Variants in ARMC3 observed in about 807,000 individuals in gnomAD.
ARMC3 encodes the protein armadillo repeat containing 3, also known as armadillo repeat-containing protein 3.
Under a neutral mutation model 90.3 loss-of-function variants are expected in ARMC3, and 74 were observed. That is an observed-to-expected ratio of 0.82 (90% confidence interval 0.68 to 0.99). ARMC3 has a LOEUF of 0.99. Ranked by LOEUF, ARMC3 falls within the 50% of genes least tolerant of loss-of-function variation. ARMC3 has a pLI of 0.00. For missense variants in ARMC3, 958 were observed against 1,042.8 expected, an observed-to-expected ratio of 0.92 and a Z score of 1.12; for synonymous variants, 334 against 361.8, an observed-to-expected ratio of 0.92 and a Z score of 0.87.
intron 16 of ARMC3, among the ~76,000 whole-genome samples, chr10:23,009,841 T>C (rs575347678): frequency 6.6e-6 from 1 of 152,258 alleles, no homozygotes; most frequent in South Asian, 2.1e-4. Flanking sequence ...CTATGAGAAC[T>C]TTCCTGGATT....
intron 7 of ARMC3, 25 bp downstream of exon 7, chr10:22,962,103 C>T (rs1318241125): frequency 1.5e-5 from 22 of 1,452,428 alleles, no homozygotes; most frequent in Non-Finnish European, 1.9e-5. Flanking sequence ...TCATTCCACC[C>T]TCTATGAGGA....
chr10:22,998,100 T>C (rs368827716), intron 10 of ARMC3, 48 bp from the exon 11 acceptor site: 154 of 1,590,984 alleles, frequency 9.7e-5, no homozygotes, highest in Non-Finnish European at 1.3e-4. Context: ...CCAAAGATAA[T>C]TTTTTGAATT....
intron 16 of ARMC3, among the ~76,000 whole-genome samples, chr10:23,027,375 T>G (rs964089192): frequency 6.6e-6 from 1 of 152,242 alleles, no homozygotes; most frequent in African/African-American, 2.4e-5. Flanking sequence ...GTAAGTATTT[T>G]ATTTGGAGCA....
chr10:23,012,783 T>TATG (rs112952544), intron 16 of ARMC3, among the ~76,000 whole-genome samples: 38,614 of 151,832 alleles, frequency 0.25, 5,703 homozygotes, highest in African/African-American at 0.41. Context: ...CTTTATGTTA[T>TATG]TCAATCACAT....
At chr10:22,932,176 A>T in intron 2 of ARMC3, 132 bp downstream of exon 2, 9 of 583,328 alleles carry the variant, frequency 1.5e-5, no homozygotes, top group South Asian at 3.0e-5. Flanking sequence ...ACTAATGATA[A>T]GATTAGTCAG....
At chr10:23,022,780 G>A (rs749836832) in intron 16 of ARMC3, among the ~76,000 whole-genome samples, 32 of 152,120 alleles carry the variant, frequency 2.1e-4, no homozygotes, top group Non-Finnish European at 2.6e-4. Context: ...GACACAGCAA[G>A]TATACCTGAG....
intron 12 of ARMC3, among the ~76,000 whole-genome samples, chr10:23,002,434 T>G (rs1172185560): frequency 1.3e-5 from 2 of 152,178 alleles, no homozygotes; most frequent in Admixed American, 1.3e-4. Flanking sequence ...ATCTAAAACT[T>G]TCACCAGAAT....
At chr10:22,930,328 GTTAA>G (rs1588796836) in intron 1 of ARMC3, among the ~76,000 whole-genome samples, 1 of 151,998 alleles carries the variant, frequency 6.6e-6, no homozygotes, top group South Asian at 2.1e-4. Context: ...AAAAATTAGT[GTTAA>G]TTAAATGTTT....
intron 15 of ARMC3, 64 bp downstream of exon 15, chr10:23,008,438 GT>G: frequency 2.1e-6 from 2 of 933,546 alleles, no homozygotes; most frequent in East Asian, 2.8e-5. Context: ...GTGAAAAAAT[GT>G]TTTAGATTTT....
At chr10:23,032,155 A>G (rs951530791) in intron 17 of ARMC3, among the ~76,000 whole-genome samples, 1 of 152,178 alleles carries the variant, frequency 6.6e-6, no homozygotes, top group Non-Finnish European at 1.5e-5. Flanking sequence ...AGTGGTCTTC[A>G]GAGACAAAGG....
chr10:22,991,561 C>CA (rs1564376689), intron 10 of ARMC3, among the ~76,000 whole-genome samples: 1 of 151,926 alleles, frequency 6.6e-6, no homozygotes, highest in African/African-American at 2.4e-5. Context: ...GAAAGGAACA[C>CA]ATCAGGCCTA....
chr10:22,971,893 G>A (rs1835698736), intron 8 of ARMC3, among the ~76,000 whole-genome samples: 1 of 152,098 alleles, frequency 6.6e-6, no homozygotes, highest in Admixed American at 6.5e-5. Context: ...CCATCCTAAT[G>A]GGCGTGAGGT....
chr10:23,011,356 G>A (rs1838005791), intron 16 of ARMC3, among the ~76,000 whole-genome samples: 1 of 152,124 alleles, frequency 6.6e-6, no homozygotes, highest in African/African-American at 2.4e-5. Context: ...CTGTAAAACT[G>A]AAATAAAAAT....
At chr10:22,958,160 A>C (rs1835028749) in intron 4 of ARMC3, among the ~76,000 whole-genome samples, 1 of 152,204 alleles carries the variant, frequency 6.6e-6, no homozygotes, top group South Asian at 2.1e-4. Context: ...TATTTGCCCC[A>C]AATCATGCAG....
chr10:22,982,088 G>C (rs1836217079), intron 10 of ARMC3, among the ~76,000 whole-genome samples: 2 of 152,128 alleles, frequency 1.3e-5, no homozygotes, highest in Admixed American at 1.3e-4. Context: ...AGATAATATA[G>C]AAACATTTAA....
intron 10 of ARMC3, among the ~76,000 whole-genome samples, chr10:22,993,563 C>T (rs1284886653): frequency 1.3e-5 from 2 of 152,180 alleles, no homozygotes; most frequent in African/African-American, 4.8e-5. Flanking sequence ...AATTTCTGCT[C>T]ACTCACCTTG....
chr10:22,978,044 A>G (rs1836007846), intron 8 of ARMC3, among the ~76,000 whole-genome samples: 1 of 152,162 alleles, frequency 6.6e-6, no homozygotes. Flanking sequence ...AATCTTTGTC[A>G]TTGCCTAATT....
At chr10:22,944,289 C>A (rs553241327) in intron 2 of ARMC3, among the ~76,000 whole-genome samples, 4 of 152,260 alleles carry the variant, frequency 2.6e-5, no homozygotes, top group East Asian at 3.9e-4. Context: ...AATATTATTT[C>A]TGCTTCCTGT....
At chr10:22,929,928 C>G (rs1833866066) in intron 1 of ARMC3, among the ~76,000 whole-genome samples, 1 of 152,232 alleles carries the variant, frequency 6.6e-6, no homozygotes, top group African/African-American at 2.4e-5. Flanking sequence ...TCTGTGTAAG[C>G]TCTTCTAACC....
Sources: gnomAD v4.1 joint callset for allele counts (sites outside exome capture counted in the v4.1 genomes callset) on GRCh38, gnomAD v4.1.1 for gene constraint, MANE v1.5 for transcripts, NCBI Gene and HGNC (gene_info 2026-07-23, HGNC 2026-07-21) for gene names.